The following COL6A5 variants were observed in gnomAD, a reference collection of about 807,000 sequenced individuals.
COL6A5 encodes collagen type VI alpha 5 chain, also known as collagen alpha-5(VI) chain.
In COL6A5, 48 loss-of-function variants were observed where a neutral mutation model predicts 65.6. The ratio of observed to expected loss-of-function variants is 0.73; its 90% CI spans 0.58 to 0.93. The LOEUF (loss-of-function observed/expected upper bound fraction) is 0.93. Ranked by LOEUF, COL6A5 falls within the 40% of genes least tolerant of loss-of-function variation. The pLI is 0.00. For missense variants in COL6A5, 914 were observed against 928.3 expected (o/e 0.98, Z 0.20); for synonymous variants, 291 against 322.8 (o/e 0.90, Z 1.05).
At chr3:130,416,717 A>T in intron 23 of COL6A5, 40 bp from the exon 24 acceptor site, 2 of 1,147,718 alleles carry the variant, frequency 1.7e-6, no homozygotes, top group Non-Finnish European at 2.5e-6. Context: ...TCTAAGAATT[A>T]CTACGGTGCC....
exon 5 of COL6A5, chr3:130,385,227 C>A: frequency 6.4e-7 from 1 of 1,551,024 alleles, no homozygotes; most frequent in Non-Finnish European, 8.7e-7. Context: ...ACTGTTCATG[C>A]AGTTGGCATT....
chr3:130,464,471 C>G (rs1013856481), intron 5 of COL6A5, among the ~76,000 whole-genome samples: 1 of 151,910 alleles, frequency 6.6e-6, no homozygotes, highest in African/African-American at 2.4e-5. Flanking sequence ...GTTGGTTGGC[C>G]TTTTTAAAGA....
Position 130,385,136 on chromosome 3 carries a change from T to G in COL6A5, c.1633T>G (p.Cys545Gly), listed in dbSNP as rs764908964. 5.2e-5 allele frequency: 81 copies of G among 1,550,958 alleles called. No individual in the cohort carries two copies. The highest frequency in any genetic ancestry group is 7.0e-5 in the Non-Finnish European group (80 of 1,146,520). ...GAAGGATAGAATGAGCAAGGTTCCCTGTTACCTCATTGTGTTGACTGATGG... is the reference window on the plus strand; with the variant it reads ...GAAGGATAGAATGAGCAAGGTTCCCGGTTACCTCATTGTGTTGACTGATGG... The change falls in exon 5 of 42, where the codon TGT becomes GGT. Residue 545 changes from cysteine to glycine, a missense_variant and NMD_transcript_variant. By Grantham distance (159) the Cys-to-Gly change is radical. Coordinates refer to the COL6A5 transcript ENST00000312481.
intron 2 of COL6A5, 57 bp downstream of exon 34, chr3:130,439,672 G>A (rs1709128778): frequency 5.2e-6 from 6 of 1,162,134 alleles, no homozygotes; most frequent in Admixed American, 2.4e-5. Context: ...TTCTAGATGA[G>A]TTATTGAATG....
At chr3:130,472,674 T>A (rs1709982626) in intron 7 of COL6A5, among the ~76,000 whole-genome samples, 1 of 151,760 alleles carries the variant, frequency 6.6e-6, no homozygotes, top group African/African-American at 2.4e-5. Context: ...AATCATGTAC[T>A]AAAATGTTTA....
intron 10 of COL6A5, among the ~76,000 whole-genome samples, chr3:130,399,456 C>T (rs1306075536): frequency 2.6e-5 from 4 of 151,668 alleles, no homozygotes; most frequent in Admixed American, 2.0e-4. Context: ...CTGCAAACTC[C>T]GCCTCCCAGG....
intron 4 of COL6A5, among the ~76,000 whole-genome samples, chr3:130,451,815 G>A (rs534034623): frequency 1.1e-4 from 16 of 152,238 alleles, no homozygotes; most frequent in Non-Finnish European, 2.2e-4. Context: ...GGAAGGTTGA[G>A]GAAAAGGTGG....
intron 1 of COL6A5, among the ~76,000 whole-genome samples, chr3:130,366,102 T>C (rs937251641): frequency 3.3e-5 from 5 of 152,196 alleles, no homozygotes; most frequent in African/African-American, 9.7e-5. Context: ...ATGATTTGGA[T>C]GGCAGCTGTG....
At position 130,361,580 on chromosome 3, in the gene COL6A5, G is replaced by A. The variant is rs190411676; in HGVS notation, c.-28-12031G>A. On this transcript the variant is annotated intron_variant and NMD_transcript_variant, in intron 1 of 41. Coordinates refer to the COL6A5 transcript ENST00000312481. Reference sequence around the variant, plus strand: ...GGATGTAAGTTTTCAACTCATTTGGGTAAATACCAGGAAGCGTGATTGCTG... The same window carrying A: ...GGATGTAAGTTTTCAACTCATTTGGATAAATACCAGGAAGCGTGATTGCTG... Among the ~76,000 whole-genome samples the A allele has an allele frequency of 2.8e-4, 43 of 152,148 alleles. No individual in the cohort carries two copies. In the South Asian group the frequency reaches 6.2e-3, roughly 22 times the overall value.
At chr3:130,459,042 A>G (rs1360040387) in intron 5 of COL6A5, among the ~76,000 whole-genome samples, 1 of 152,142 alleles carries the variant, frequency 6.6e-6, no homozygotes, top group Non-Finnish European at 1.5e-5. Flanking sequence ...TAAATGTTGT[A>G]TTAACCAGTA....
intron 11 of COL6A5, 74 bp downstream of exon 11, chr3:130,401,247 CA>C: frequency 7.6e-7 from 1 of 1,321,056 alleles, no homozygotes; most frequent in African/African-American, 1.5e-5. Flanking sequence ...TGAGAACTTT[CA>C]AAGACTGCCT....
chr3:130,464,006 G>A (rs750918768), intron 5 of COL6A5, among the ~76,000 whole-genome samples: 10 of 151,972 alleles, frequency 6.6e-5, no homozygotes, highest in Non-Finnish European at 1.0e-4. Flanking sequence ...TTGAGATTTT[G>A]CTTATTTATA....
intron 5 of COL6A5, among the ~76,000 whole-genome samples, chr3:130,465,721 A>G (rs962792685): frequency 6.6e-6 from 1 of 152,128 alleles, no homozygotes; most frequent in Non-Finnish European, 1.5e-5. Flanking sequence ...AGCACAAAAC[A>G]TAATGAAGAG....
exon 8 of COL6A5, chr3:130,484,530 C>T (rs1710326315): frequency 2.5e-6 from 1 of 398,932 alleles, no homozygotes; most frequent in African/African-American, 2.1e-5. Flanking sequence ...CCTAACATTT[C>T]ATCTAGCAGT....
chr3:130,432,603 A>G lies in COL6A5; in HGVS notation c.487+654A>G, dbSNP rs192971442. On this transcript the variant is annotated intron_variant, in intron 1 of 7. Coordinates refer to ENST00000512836, the Ensembl canonical transcript of COL6A5. ...AGAGGATTTCTAGTGACTTAACTAT[A>G]TACCACTACTAAGTGGCTAAATTGA... 2.6e-5 allele frequency among the ~76,000 whole-genome samples: 4 copies of G among 151,730 alleles called. No individual in the cohort carries two copies. The East Asian group carries it at 7.8e-4, about 29-fold the overall frequency.
At chr3:130,383,905 C>A (rs1201724009) in intron 4 of COL6A5, among the ~76,000 whole-genome samples, 1 of 151,826 alleles carries the variant, frequency 6.6e-6, no homozygotes, top group Non-Finnish European at 1.5e-5. Context: ...GCCTACTGGG[C>A]AGAAGCAGAA....
intron 20 of COL6A5, 36 bp from the exon 21 acceptor site, chr3:130,413,509 C>A: frequency 6.5e-7 from 1 of 1,538,396 alleles, no homozygotes; most frequent in Non-Finnish European, 8.8e-7. Context: ...TCCATTCAGA[C>A]ATCCACATAC....
chr3:130,416,912 G>A, intron 24 of COL6A5, 93 bp downstream of exon 24: 1 of 747,030 alleles, frequency 1.3e-6, no homozygotes, highest in Non-Finnish European at 2.1e-6. Context: ...GGTACAATGT[G>A]ATATTTTCTT....
At chr3:130,426,538 G>A, upstream of COL6A5, 1 of 892,432 alleles carries the variant, frequency 1.1e-6, no homozygotes, top group Non-Finnish European at 1.8e-6. Flanking sequence ...TGTCTGGAGT[G>A]CCTACTGTAG....
Sources: allele counts gnomAD v4.1 joint callset (sites outside exome capture counted in the v4.1 genomes callset), GRCh38; gene constraint gnomAD v4.1.1; transcripts MANE v1.5; gene names NCBI Gene and HGNC (gene_info 2026-07-23, HGNC 2026-07-21).